Variants in DISP1 observed in about 807,000 individuals in gnomAD.
DISP1 encodes dispatched RND transporter family member 1.
In DISP1, 30 loss-of-function variants were observed where a neutral mutation model predicts 37.3. The observed-to-expected ratio is 0.80, with a 90% confidence interval of 0.60 to 1.09. DISP1 has a LOEUF of 1.09. Ranked by LOEUF, DISP1 falls within the 50% of genes least tolerant of loss-of-function variation. The pLI is 0.00. For synonymous variants in DISP1, 634 were observed against 690.2 expected (o/e 0.92, Z 1.28); for missense variants, 1,598 against 1,879.5 (o/e 0.85, Z 2.77).
At chr1:222,998,469 A>C (rs1376727404) in intron 8 of DISP1, among the ~76,000 whole-genome samples, 2 of 152,078 alleles carry the variant, frequency 1.3e-5, no homozygotes, top group African/African-American at 4.8e-5. Context: ...TTTAAATTAC[A>C]TGCCATTTGT....
chr1:222,996,831 C>G (rs1190583895), intron 8 of DISP1, among the ~76,000 whole-genome samples: 2 of 152,068 alleles, frequency 1.3e-5, no homozygotes, highest in African/African-American at 4.8e-5. Flanking sequence ...CGTTTTGTTT[C>G]CTGTATATGC....
At chr1:222,864,587 TA>T (rs1489282656) in intron 1 of DISP1, among the ~76,000 whole-genome samples, 1 of 152,192 alleles carries the variant, frequency 6.6e-6, no homozygotes, top group Non-Finnish European at 1.5e-5. Flanking sequence ...ATTGATCTAT[TA>T]AAAATAATTC....
intron 1 of DISP1, among the ~76,000 whole-genome samples, chr1:222,866,491 C>T (rs137882266): frequency 0.026 from 3,924 of 152,006 alleles, 168 homozygotes; most frequent in African/African-American, 0.091. Flanking sequence ...ATTATGGGTG[C>T]GTGCCACCAC....
At chr1:222,984,384 G>T (rs1678067245) in intron 4 of DISP1, among the ~76,000 whole-genome samples, 1 of 131,406 alleles carries the variant, frequency 7.6e-6, no homozygotes, top group Non-Finnish European at 1.6e-5. Flanking sequence ...AGCCTGGGTG[G>T]CAGAGCCAGA....
chr1:222,858,606 T>G (rs1280554549), intron 1 of DISP1, among the ~76,000 whole-genome samples: 1 of 152,044 alleles, frequency 6.6e-6, no homozygotes, highest in Admixed American at 6.6e-5. Context: ...ATATCCAGAA[T>G]CTACCAGGAA....
chr1:222,956,488 A>G (rs917796792), intron 3 of DISP1, among the ~76,000 whole-genome samples: 4 of 152,094 alleles, frequency 2.6e-5, no homozygotes, highest in Admixed American at 6.6e-5. Context: ...TTAGTCTAGA[A>G]CTTTATTTTG....
At chr1:222,922,507 G>A (rs1039138327) in intron 1 of DISP1, among the ~76,000 whole-genome samples, 10 of 152,284 alleles carry the variant, frequency 6.6e-5, no homozygotes, top group Admixed American at 6.5e-4. Context: ...TCCTGCCCTA[G>A]CTCAGGATGC....
At chr1:222,975,194 T>G (rs1677224389) in intron 3 of DISP1, among the ~76,000 whole-genome samples, 1 of 151,948 alleles carries the variant, frequency 6.6e-6, no homozygotes, top group Admixed American at 6.6e-5. Flanking sequence ...CCAGCTAATT[T>G]TTTTATTTTT....
intron 1 of DISP1, chr1:222,837,497 T>C (rs1326038623): frequency 1.9e-5 from 3 of 156,256 alleles, no homozygotes; most frequent in African/African-American, 7.2e-5. Flanking sequence ...TTGCCTAGTT[T>C]AGTGGGTGGC....
At chr1:222,827,932 T>TA (rs1227011403) in intron 1 of DISP1, among the ~76,000 whole-genome samples, 5 of 152,142 alleles carry the variant, frequency 3.3e-5, no homozygotes, top group Admixed American at 3.3e-4. Context: ...AAGCTGAAAA[T>TA]AGTCTGATCC....
chr1:222,943,364 T>C (rs566749394), intron 3 of DISP1, 32 bp downstream of exon 3: 4 of 1,614,056 alleles, frequency 2.5e-6, no homozygotes, highest in Admixed American at 3.3e-5. Context: ...CTTTTAGCAT[T>C]CAACTAATGC....
chr1:222,845,044 T>C (rs181782581), intron 1 of DISP1, among the ~76,000 whole-genome samples: 2 of 152,296 alleles, frequency 1.3e-5, no homozygotes, highest in East Asian at 3.9e-4. Flanking sequence ...TTGCTCATTG[T>C]AGTTTATTAA....
chr1:222,970,398 G>C (rs529784745), intron 3 of DISP1, among the ~76,000 whole-genome samples: 1 of 151,920 alleles, frequency 6.6e-6, no homozygotes, highest in South Asian at 2.1e-4. Flanking sequence ...ATAAAGAGCC[G>C]GCATTATTTT....
chr1:222,919,768 T>G (rs1672708070), intron 1 of DISP1, among the ~76,000 whole-genome samples: 1 of 152,228 alleles, frequency 6.6e-6, no homozygotes, highest in African/African-American at 2.4e-5. Flanking sequence ...GTGAAATATC[T>G]AACCCTACTA....
chr1:222,815,072 A>G lies in DISP1; in HGVS notation c.-165A>G, dbSNP rs538445116. Reference sequence around the variant, plus strand: ...TCCGGGCCAGCATCCGAGAGCCCGGACTGGAGGTGAGTTCGCAGCCGGAAC... The same window carrying G: ...TCCGGGCCAGCATCCGAGAGCCCGGGCTGGAGGTGAGTTCGCAGCCGGAAC... On this transcript the variant is annotated 5_prime_UTR_variant, in exon 1 of 9. Coordinates refer to ENST00000675850, the MANE Select transcript of DISP1 (RefSeq NM_001377229.1). 3 of 152,224 alleles carry G rather than the reference A, an allele frequency of 2.0e-5. No individual in the cohort carries two copies. The highest frequency in any genetic ancestry group is 4.4e-5 in the Non-Finnish European group (3 of 68,060). The allele number at this position is 152,224 out of a possible 1,614,324, so 9.4% of individuals were successfully genotyped here.
intron 1 of DISP1, among the ~76,000 whole-genome samples, chr1:222,917,855 A>C (rs535886793): frequency 6.6e-6 from 1 of 152,060 alleles, no homozygotes; most frequent in South Asian, 2.1e-4. Flanking sequence ...TTGCTCTACA[A>C]TGTTGGTTCA....
intron 1 of DISP1, among the ~76,000 whole-genome samples, chr1:222,896,839 C>G (rs1389979957): frequency 2.0e-5 from 3 of 151,914 alleles, no homozygotes; most frequent in South Asian, 2.1e-4. Flanking sequence ...TATTTAAAAC[C>G]CACAATGAGA....
In DISP1 at chr1:222,921,476, A is replaced by G. The variant is rs150116544; in HGVS notation, c.-158-6954A>G. On this transcript the variant is annotated intron_variant, in intron 1 of 8. Transcript: ENST00000675850. ...ACAAAAAAATAAAATTATAAAAACT[A>G]CCCAAGAATATGCTTGCATGTTAGC... Among the ~76,000 whole-genome samples the G allele has an allele frequency of 3.1e-3, 477 of 152,276 alleles. 3 individuals carry two copies. Among genetic ancestry groups the G allele is most frequent in the African/African-American group, 0.011 (461 of 41,554 alleles).
At chr1:222,924,582 T>A (rs554742659) in intron 1 of DISP1, among the ~76,000 whole-genome samples, 1 of 152,262 alleles carries the variant, frequency 6.6e-6, no homozygotes, top group African/African-American at 2.4e-5. Flanking sequence ...AACATCAAAA[T>A]CCAATATAGA....
Sources: gnomAD v4.1 joint callset for allele counts (sites outside exome capture counted in the v4.1 genomes callset) on GRCh38, gnomAD v4.1.1 for gene constraint, MANE v1.5 for transcripts, NCBI Gene and HGNC (gene_info 2026-07-23, HGNC 2026-07-21) for gene names.